NKIRAS1: variants seen among roughly 807,000 people sequenced by gnomAD.
NKIRAS1 encodes the protein NF-kappa-B inhibitor-interacting Ras-like protein 1.
Under a neutral mutation model 19.8 loss-of-function variants are expected in NKIRAS1, and 16 were observed. That is an observed-to-expected ratio of 0.81 (90% CI 0.55 to 1.23). The LOEUF (loss-of-function observed/expected upper bound fraction) is 1.23. Ranked by LOEUF, NKIRAS1 falls within the 50% of genes most tolerant of loss-of-function variation. NKIRAS1 has a pLI of 0.00. For synonymous variants in NKIRAS1, 88 were observed against 79.0 expected (o/e 1.11, Z -0.61); for missense variants, 184 against 220.0 (o/e 0.84, Z 1.04).
chr3:23,921,464 TA>T (rs1168545193), upstream of NKIRAS1: 3 of 622,840 alleles, frequency 4.8e-6, no homozygotes, highest in Admixed American at 8.4e-5. Context: ...ACTCCAATAT[TA>T]AGGGTCACTT....
At chr3:23,937,753 A>G (rs545347458) in intron 1 of NKIRAS1, among the ~76,000 whole-genome samples, 1 of 152,348 alleles carries the variant, frequency 6.6e-6, no homozygotes, top group African/African-American at 2.4e-5. Context: ...ACTTAAAAAA[A>G]TTCAACTAGG....
rs1354895137 is a variant in NKIRAS1, at chr3:23,890,458, T to C, written c.*2637A>G. On this transcript the variant is annotated 3_prime_UTR_variant, in exon 5 of 5. Transcript: ENST00000425478. ...CCAAGCTGTCACTATTCGCTAAAGT[T>C]TAAAATGTTCTTTTCCTTTCTCCAA... 1 of 1,578,390 alleles carries C rather than the reference T, an allele frequency of 6.3e-7. No individual in the cohort carries two copies. The highest frequency in any genetic ancestry group is 1.8e-5 in the Admixed American group (1 of 55,766).
At chr3:23,901,666 A>C (rs1323594136) in intron 3 of NKIRAS1, among the ~76,000 whole-genome samples, 5 of 152,236 alleles carry the variant, frequency 3.3e-5, no homozygotes, top group African/African-American at 4.8e-5. Flanking sequence ...ATATTCAATA[A>C]GCCCTTACTG....
intron 4 of NKIRAS1, among the ~76,000 whole-genome samples, chr3:23,893,538 G>C (rs934569076): frequency 2.0e-5 from 3 of 152,118 alleles, no homozygotes; most frequent in Non-Finnish European, 2.9e-5. Context: ...CGGGCGTGCT[G>C]GCTCATGCCT....
chr3:23,918,287 T>C (rs910470944), upstream of NKIRAS1: 6 of 994,858 alleles, frequency 6.0e-6, no homozygotes, highest in African/African-American at 8.2e-5. Context: ...CTAAGGTGCA[T>C]TGAAAAAGAC....
chr3:23,928,100 CCACACACA>C lies in NKIRAS1; in HGVS notation c.-139-16658_-139-16651del, dbSNP rs66482461. Among the ~76,000 whole-genome samples, 53 of 146,192 alleles carry C rather than the reference CCACACACA, an allele frequency of 3.6e-4. 1 individual carries two copies. In the South Asian group the frequency reaches 7.7e-3, roughly 21 times the overall value. On this transcript the variant is annotated intron_variant, in intron 1 of 4. Transcript: ENST00000421515. ...TCTCTCTCCTCTCTCTCTCTACACA[CCACACACA>C]CACACACACACACACACACATACAC... is the stretch of plus-strand genomic sequence containing the variant.
At chr3:23,896,646 A>T (rs1328431821) in intron 4 of NKIRAS1, among the ~76,000 whole-genome samples, 2 of 150,006 alleles carry the variant, frequency 1.3e-5, no homozygotes, top group Admixed American at 6.7e-5. Context: ...TAGCCACAGG[A>T]TGAATATTAT....
At chr3:23,911,785 C>G (rs1312763273) in intron 1 of NKIRAS1, among the ~76,000 whole-genome samples, 4 of 125,462 alleles carry the variant, frequency 3.2e-5, no homozygotes, top group East Asian at 2.4e-4. Flanking sequence ...TTTTTTGAGA[C>G]AGGGTCTAGC....
chr3:23,919,822 C>T, upstream of NKIRAS1: 2 of 1,044,674 alleles, frequency 1.9e-6, no homozygotes, highest in Non-Finnish European at 2.3e-6. Context: ...TTGTCTGGTG[C>T]ATGTGATGAA....
intron 1 of NKIRAS1, among the ~76,000 whole-genome samples, chr3:23,929,842 G>GAAAATCT (rs907041456): frequency 1.3e-5 from 2 of 152,032 alleles, no homozygotes; most frequent in African/African-American, 4.8e-5. Flanking sequence ...AGGAAATTTG[G>GAAAATCT]AAAATCTAGA....
At chr3:23,920,402 C>G (rs1244886514), upstream of NKIRAS1, 1 of 985,292 alleles carries the variant, frequency 1.0e-6, no homozygotes, top group Non-Finnish European at 1.2e-6. Context: ...TATGTGTTTT[C>G]TGCAGTTATT....
chr3:23,921,644 G>T, upstream of NKIRAS1: 1 of 649,954 alleles, frequency 1.5e-6, no homozygotes, highest in Non-Finnish European at 2.8e-6. Context: ...GGGCAATCAC[G>T]GCTCACTGCA....
At chr3:23,917,652 C>T (rs914280824), upstream of NKIRAS1, 9 of 570,472 alleles carry the variant, frequency 1.6e-5, no homozygotes, top group South Asian at 1.7e-4. Context: ...CCGCTCTGTG[C>T]TGGGGTTGCG....
rs1191986717 is a variant in NKIRAS1 at position 23,891,970 on chromosome 3, A to G, written c.*1125T>C. 1 of 152,208 alleles carries G rather than the reference A, an allele frequency of 6.6e-6. No homozygotes were observed. Among genetic ancestry groups the G allele is most frequent in the Non-Finnish European group, 1.5e-5 (1 of 68,030 alleles). The allele number at this position is 152,208 out of a possible 1,614,324, so 9.4% of individuals were successfully genotyped here. On this transcript the variant is annotated 3_prime_UTR_variant, in exon 5 of 5. Coordinates refer to ENST00000425478, the MANE Select transcript of NKIRAS1 (RefSeq NM_020345.4). ...ATGAATTTATGATGAGAAATTTTGA[A>G]GAATTATACTGTAGCAGCAATAGCT...
rs905804956 is a variant in NKIRAS1 at position 23,946,254 on chromosome 3, G to A, written c.-140+69C>T. ...GGACGCCGCACGCTCTTTTCGCGAG[G>A]TGACCCCAAGGCGCGGACCCCGCGC... On this transcript the variant is annotated intron_variant, in intron 1 of 4. Transcript: ENST00000421515. 4.1e-6 allele frequency: 4 copies of A among 985,354 alleles called. No homozygotes were observed. The African/African-American group carries it at 7.0e-5, about 17-fold the overall frequency. The allele number at this position is 985,354 out of a possible 1,614,324, so 61.0% of individuals were successfully genotyped here.
chr3:23,936,477 AC>A (rs1170287225), intron 1 of NKIRAS1, among the ~76,000 whole-genome samples: 1 of 152,134 alleles, frequency 6.6e-6, no homozygotes, highest in African/African-American at 2.4e-5. Flanking sequence ...TTGTTAAAAT[AC>A]CAATTACTGG....
intron 1 of NKIRAS1, among the ~76,000 whole-genome samples, chr3:23,928,088 T>C (rs965230828): frequency 1.5e-5 from 2 of 133,104 alleles, no homozygotes; most frequent in African/African-American, 6.0e-5. Context: ...CTCTCCTCTC[T>C]CTCTCTACAC....
At chr3:23,923,410 G>A (rs1705150317) in intron 1 of NKIRAS1, 1 of 151,894 alleles carries the variant, frequency 6.6e-6, no homozygotes, top group Non-Finnish European at 1.5e-5. Context: ...GTAGAGACGG[G>A]GTTTCACCAT....
At chr3:23,894,168 A>G (rs1452096391) in intron 4 of NKIRAS1, among the ~76,000 whole-genome samples, 1 of 152,240 alleles carries the variant, frequency 6.6e-6, no homozygotes, top group African/African-American at 2.4e-5. Flanking sequence ...TACACCAGAC[A>G]CTGCGCGTGA....
Sources: allele counts gnomAD v4.1 joint callset (sites outside exome capture counted in the v4.1 genomes callset), GRCh38; gene constraint gnomAD v4.1.1; transcripts MANE v1.5; gene names NCBI Gene and HGNC (gene_info 2026-07-23, HGNC 2026-07-21).